SORCS1: variants seen among roughly 807,000 people sequenced by gnomAD.
SORCS1 encodes VPS10 domain-containing receptor SorCS1.
SORCS1 carries 60 observed loss-of-function variants against 146.1 expected under a neutral mutation model. That is an observed-to-expected ratio of 0.41 (90% CI 0.33 to 0.51). SORCS1 has a LOEUF of 0.51. SORCS1 is among the 20% of genes least tolerant of loss of function. SORCS1 has a pLI of 0.21. For synonymous variants in SORCS1, 637 were observed against 584.0 expected (o/e 1.09, Z -1.31); for missense variants, 1,352 against 1,487.6 (o/e 0.91, Z 1.50).
At chr10:106,639,328 G>T (rs1848916109) in intron 18 of SORCS1, among the ~76,000 whole-genome samples, 1 of 152,158 alleles carries the variant, frequency 6.6e-6, no homozygotes, top group Non-Finnish European at 1.5e-5. Flanking sequence ...CCAAACTGAA[G>T]ACTATTTCAT....
chr10:106,733,107 C>CAAAAAAAAAAAAAAAA (rs1350500252), intron 5 of SORCS1, among the ~76,000 whole-genome samples: 11 of 111,208 alleles, frequency 9.9e-5, no homozygotes, highest in East Asian at 5.2e-4. Context: ...TACTCCATTT[C>CAAAAAAAAAAAAAAAA]AAAAAAAAGA....
chr10:107,011,833 C>A, intron 1 of SORCS1, among the ~76,000 whole-genome samples: 1 of 152,086 alleles, frequency 6.6e-6, no homozygotes, highest in Non-Finnish European at 1.5e-5. Flanking sequence ...AAAGAACCAG[C>A]TAATTTGCCA....
chr10:107,120,839 T>C (rs186848160), intron 1 of SORCS1, among the ~76,000 whole-genome samples: 39 of 152,126 alleles, frequency 2.6e-4, no homozygotes, highest in African/African-American at 8.7e-4. Context: ...ATGCTCCTCA[T>C]AGGGGAGACC....
intron 3 of SORCS1, among the ~76,000 whole-genome samples, chr10:106,807,133 T>C (rs571437744): frequency 1.3e-5 from 2 of 149,838 alleles, no homozygotes; most frequent in South Asian, 4.4e-4. Context: ...TGTTGGTCAA[T>C]GACACTATCA....
intron 5 of SORCS1, among the ~76,000 whole-genome samples, chr10:106,758,147 G>A (rs1858798718): frequency 6.6e-6 from 1 of 152,160 alleles, no homozygotes; most frequent in South Asian, 2.1e-4. Context: ...CTTTTGATTA[G>A]AAGAGCTTTG....
chr10:106,651,392 T>C (rs1384592736), intron 18 of SORCS1, among the ~76,000 whole-genome samples: 1 of 152,186 alleles, frequency 6.6e-6, no homozygotes, highest in African/African-American at 2.4e-5. Flanking sequence ...ACCTGTGAAC[T>C]TGTTAGAAAT....
chr10:107,167,918 A>G (rs1467692555), upstream of SORCS1, among the ~76,000 whole-genome samples: 1 of 152,180 alleles, frequency 6.6e-6, no homozygotes, highest in Non-Finnish European at 1.5e-5. Context: ...GTGCACAATC[A>G]AAAAAGTGTG....
chr10:107,076,591 T>C (rs1455482595), intron 1 of SORCS1, among the ~76,000 whole-genome samples: 1 of 152,216 alleles, frequency 6.6e-6, no homozygotes, highest in East Asian at 1.9e-4. Context: ...AAGTTGTTTA[T>C]TCACATGGTT....
At chr10:107,114,933 G>C (rs577094917) in intron 1 of SORCS1, among the ~76,000 whole-genome samples, 33 of 152,106 alleles carry the variant, frequency 2.2e-4, no homozygotes, top group African/African-American at 7.7e-4. Flanking sequence ...ACATACACAT[G>C]TCAGTTGCAT....
upstream of SORCS1, among the ~76,000 whole-genome samples, chr10:107,165,292 A>AGAGTGTGTGTGTGTGTGTGTGTGTGT (rs113141732): frequency 3.5e-5 from 5 of 142,718 alleles, no homozygotes; most frequent in African/African-American, 1.3e-4. This position sits in a 1 kb window ranked among gnomAD's most constrained non-coding sequence, Gnocchi z 4.0. Context: ...CTCGTGTGTG[A>AGAGTGTGTGTGTGTGTGTGTGTGTGT]GTGTGTGTGT....
chr10:107,004,175 C>CA (rs1190654041), intron 1 of SORCS1, among the ~76,000 whole-genome samples: 8,132 of 48,212 alleles, frequency 0.17, 1,423 homozygotes, highest in African/African-American at 0.42. Flanking sequence ...GATCCCATCT[C>CA]AAAAAAAAAA....
At chr10:106,944,874 C>CTGTTTTTTTTTTTTTT (rs1954241512) in intron 2 of SORCS1, among the ~76,000 whole-genome samples, 1 of 36,574 alleles carries the variant, frequency 2.7e-5, no homozygotes, top group Non-Finnish European at 5.0e-5. Flanking sequence ...AAAGAGCCTT[C>CTGTTTTTTTTTTTTTT]TTTTTTTTTT....
At chr10:106,992,818 C>CTTTTTTTTT (rs1564899170) in intron 1 of SORCS1, among the ~76,000 whole-genome samples, 1 of 110,422 alleles carries the variant, frequency 9.1e-6, no homozygotes. Flanking sequence ...TTCTTCCTTT[C>CTTTTTTTTT]TTTCTTTCTT....
intron 6 of SORCS1, 21 bp from the exon 7 acceptor site, chr10:106,709,362 C>G (rs1234302615): frequency 1.3e-6 from 2 of 1,527,982 alleles, no homozygotes; most frequent in South Asian, 2.2e-5. Flanking sequence ...AAAACAAAAA[C>G]AAAAACATGG....
intron 1 of SORCS1, among the ~76,000 whole-genome samples, chr10:107,027,360 G>A (rs1451684999): frequency 6.6e-6 from 1 of 151,864 alleles, no homozygotes; most frequent in Non-Finnish European, 1.5e-5. Context: ...GTCCCCATCC[G>A]AGCATCCATT....
chr10:106,911,613 A>G (rs1952159227), intron 2 of SORCS1, among the ~76,000 whole-genome samples: 1 of 152,120 alleles, frequency 6.6e-6, no homozygotes, highest in African/African-American at 2.4e-5. Context: ...ACCTGCAGTC[A>G]CAGCATTGGC....
intron 1 of SORCS1, among the ~76,000 whole-genome samples, chr10:107,136,147 T>C (rs1372030577): frequency 2.6e-5 from 4 of 151,434 alleles, no homozygotes; most frequent in Non-Finnish European, 5.9e-5. Context: ...AAAAAAAGGA[T>C]GAAAAGAAAA....
At chr10:106,722,226 G>T (rs906636552) in intron 6 of SORCS1, among the ~76,000 whole-genome samples, 1 of 150,764 alleles carries the variant, frequency 6.6e-6, no homozygotes, top group African/African-American at 2.4e-5. Flanking sequence ...ATTTTTGTTG[G>T]TATAAAAGTA....
chr10:106,585,526 C>G (rs1229743155), intron 24 of SORCS1, among the ~76,000 whole-genome samples: 1 of 152,158 alleles, frequency 6.6e-6, no homozygotes, highest in Non-Finnish European at 1.5e-5. Context: ...AAAAGCATCT[C>G]AAGTCTCCCC....
Sources: allele counts gnomAD v4.1 joint callset (sites outside exome capture counted in the v4.1 genomes callset), GRCh38; gene constraint gnomAD v4.1.1; non-coding constraint Gnocchi (gnomAD v3.1); transcripts MANE v1.5; gene names NCBI Gene and HGNC (gene_info 2026-07-23, HGNC 2026-07-21).